The following ASCC3 variants were observed in gnomAD, a reference collection of about 807,000 sequenced individuals.
ASCC3 encodes the protein ASC-1 complex subunit P200.
ASCC3 carries 158 observed loss-of-function variants against 256.3 expected under a neutral mutation model. That is an observed-to-expected ratio of 0.62 (90% CI 0.54 to 0.70). The LOEUF (loss-of-function observed/expected upper bound fraction) is 0.70. ASCC3 is among the 30% of genes least tolerant of loss of function. The pLI, the probability that ASCC3 is intolerant of heterozygous loss-of-function variation, is 0.00. For missense variants in ASCC3, 2,259 were observed against 2,626.0 expected (o/e 0.86, Z 3.05); for synonymous variants, 948 against 883.4 (o/e 1.07, Z -1.30).
intron 13 of ASCC3, among the ~76,000 whole-genome samples, chr6:100,699,212 C>G (rs1337385058): frequency 1.3e-5 from 2 of 152,172 alleles, no homozygotes; most frequent in African/African-American, 4.8e-5. Context: ...TCCCACAATT[C>G]TGATGTGTCG....
intron 3 of ASCC3, among the ~76,000 whole-genome samples, chr6:100,853,415 T>C (rs1772782190): frequency 7.2e-6 from 1 of 139,830 alleles, no homozygotes; most frequent in Non-Finnish European, 1.5e-5. Flanking sequence ...AATTGATAAA[T>C]ATTCCTTTTT....
chr6:100,799,645 T>C, intron 6 of ASCC3, 73 bp from the exon 7 acceptor site: 10 of 1,468,428 alleles, frequency 6.8e-6, no homozygotes, highest in Non-Finnish European at 9.4e-6. Context: ...AACAAGGCAA[T>C]TATAAAAGAT....
intron 36 of ASCC3, among the ~76,000 whole-genome samples, chr6:100,550,820 T>C (rs1769258049): frequency 6.6e-6 from 1 of 151,920 alleles, no homozygotes; most frequent in Non-Finnish European, 1.5e-5. Flanking sequence ...TAGGATTGTG[T>C]ATTTGACCAC....
At chr6:100,519,434 A>G (rs1195429435) in intron 37 of ASCC3, among the ~76,000 whole-genome samples, 2 of 152,258 alleles carry the variant, frequency 1.3e-5, no homozygotes, top group Admixed American at 6.5e-5. Context: ...AATCTAGGGA[A>G]AATCCACTTA....
At chr6:100,819,499 G>A (rs1399934941) in intron 4 of ASCC3, among the ~76,000 whole-genome samples, 2 of 152,080 alleles carry the variant, frequency 1.3e-5, no homozygotes, top group Non-Finnish European at 2.9e-5. Context: ...AAGCCAGTCC[G>A]AGTCCCAAAA....
chr6:100,788,408 C>T (rs1386623946), intron 8 of ASCC3, among the ~76,000 whole-genome samples: 1 of 151,860 alleles, frequency 6.6e-6, no homozygotes, highest in Admixed American at 6.6e-5. Context: ...AACAGTTTGC[C>T]AGTTTCTTAC....
chr6:100,791,971 CAA>C (rs1414051959), intron 8 of ASCC3, among the ~76,000 whole-genome samples: 1 of 151,830 alleles, frequency 6.6e-6, no homozygotes, highest in Non-Finnish European at 1.5e-5. Flanking sequence ...AAGACATTAA[CAA>C]GTTGGGTTCT....
At chr6:100,845,081 C>T (rs1282062449) in intron 4 of ASCC3, among the ~76,000 whole-genome samples, 1 of 151,948 alleles carries the variant, frequency 6.6e-6, no homozygotes, top group Non-Finnish European at 1.5e-5. Context: ...CAATAATTCC[C>T]CTACATAAAT....
intron 8 of ASCC3, among the ~76,000 whole-genome samples, chr6:100,787,110 G>C (rs1163225269): frequency 1.3e-5 from 2 of 152,002 alleles, no homozygotes; most frequent in Non-Finnish European, 2.9e-5. Flanking sequence ...CAAGCATAGT[G>C]GGACCTGTGA....
intron 29 of ASCC3, among the ~76,000 whole-genome samples, chr6:100,625,884 G>T (rs542296739): frequency 6.6e-6 from 1 of 151,986 alleles, no homozygotes; most frequent in Non-Finnish European, 1.5e-5. Context: ...AGATAAATCA[G>T]AAGAAAGTTT....
chr6:100,724,641 T>C (rs1779538608), intron 11 of ASCC3, among the ~76,000 whole-genome samples: 2 of 151,288 alleles, frequency 1.3e-5, no homozygotes, highest in Non-Finnish European at 3.0e-5. Context: ...GGTATGCTTG[T>C]GGTGGGAAGG....
At chr6:100,547,752 A>G (rs1769054917) in intron 36 of ASCC3, among the ~76,000 whole-genome samples, 1 of 151,994 alleles carries the variant, frequency 6.6e-6, no homozygotes, top group East Asian at 1.9e-4. Context: ...AACATTAAAC[A>G]TACACCCACC....
At chr6:100,585,536 T>G (rs999015999) in intron 36 of ASCC3, among the ~76,000 whole-genome samples, 70 of 152,236 alleles carry the variant, frequency 4.6e-4, no homozygotes, top group African/African-American at 1.7e-3. Context: ...TTTCCTCCTG[T>G]AGCTCAGAAT....
intron 8 of ASCC3, among the ~76,000 whole-genome samples, chr6:100,785,206 C>A (rs6570970): frequency 0.39 from 59,317 of 151,888 alleles, 12,874 homozygotes; most frequent in Middle Eastern, 0.57. Flanking sequence ...AATATTAAAT[C>A]TGTGAAAGAA....
At chr6:100,540,494 C>T in intron 36 of ASCC3, 107 bp from the exon 37 acceptor site, 1 of 936,122 alleles carries the variant, frequency 1.1e-6, no homozygotes. Context: ...CATACAATAA[C>T]CATATCCCTT....
chr6:100,735,644 T>A (rs1780119436), intron 10 of ASCC3, among the ~76,000 whole-genome samples: 1 of 152,156 alleles, frequency 6.6e-6, no homozygotes, highest in Non-Finnish European at 1.5e-5. Context: ...TTCAGCAATC[T>A]TGCTTTCATA....
At chr6:100,558,595 G>T (rs1419655932) in intron 36 of ASCC3, among the ~76,000 whole-genome samples, 1 of 151,712 alleles carries the variant, frequency 6.6e-6, no homozygotes, top group Non-Finnish European at 1.5e-5. Flanking sequence ...GGGTGTTTTT[G>T]TTCCTTATTT....
intron 10 of ASCC3, among the ~76,000 whole-genome samples, chr6:100,725,917 A>C (rs1779598809): frequency 6.6e-6 from 1 of 151,884 alleles, no homozygotes; most frequent in Admixed American, 6.6e-5. Context: ...AAGCTCACTG[A>C]AGGTAATTTG....
chr6:100,657,346 G>A (rs1267323930), intron 16 of ASCC3, among the ~76,000 whole-genome samples: 1 of 151,392 alleles, frequency 6.6e-6, no homozygotes, highest in African/African-American at 2.4e-5. Context: ...TTGAGCCAGT[G>A]TGGGAGCTGT....
Sources: allele counts gnomAD v4.1 joint callset (sites outside exome capture counted in the v4.1 genomes callset), GRCh38; gene constraint gnomAD v4.1.1; transcripts MANE v1.5; gene names NCBI Gene and HGNC (gene_info 2026-07-23, HGNC 2026-07-21).